NINJ2: variants seen among roughly 807,000 people sequenced by gnomAD.
NINJ2 encodes ninjurin-2.
A neutral mutation model predicts 11.7 loss-of-function variants in NINJ2; 12 were observed. That is an observed-to-expected ratio of 1.02 (90% CI 0.66 to 1.66). The LOEUF is 1.66. Among genes scored for constraint, NINJ2 ranks in the 40% most tolerant of loss-of-function variants. The pLI, the probability that NINJ2 is intolerant of heterozygous loss-of-function variation, is 0.00. For synonymous variants in NINJ2, 93 were observed against 76.8 expected (o/e 1.21, Z -1.10); for missense variants, 187 against 181.8 (o/e 1.03, Z -0.16).
intron 1 of NINJ2, among the ~76,000 whole-genome samples, chr12:592,529 C>T (rs1215386203): frequency 6.6e-6 from 1 of 152,104 alleles, no homozygotes; most frequent in Non-Finnish European, 1.5e-5. Context: ...GGTGAAACCC[C>T]GTCTTTACTG....
rs184186766 is a variant in NINJ2, at chr12:633,945, C to T, written c.33+29383G>A. Among the ~76,000 whole-genome samples the T allele has an allele frequency of 2.1e-4, 32 of 152,250 alleles. No homozygotes were observed. The highest frequency in any genetic ancestry group is 6.7e-4 in the African/African-American group (28 of 41,546). ...CAGTTGTGCTTTCCCCCACACACAC[C>T]GTCTGATCTGGTCAGAAAGGCCTTT... On this transcript the variant is annotated intron_variant, in intron 1 of 3. Transcript: ENST00000305108. This position sits in a 1 kb window ranked among gnomAD's most constrained non-coding sequence, Gnocchi z 4.3.
intron 1 of NINJ2, among the ~76,000 whole-genome samples, chr12:578,614 G>C (rs143612433): frequency 6.6e-6 from 1 of 152,066 alleles, no homozygotes; most frequent in Non-Finnish European, 1.5e-5. Flanking sequence ...CACTACACCC[G>C]GCCGAGAGCA....
chr12:647,769 T>C (rs1035253346), intron 1 of NINJ2, among the ~76,000 whole-genome samples: 2 of 152,164 alleles, frequency 1.3e-5, no homozygotes, highest in African/African-American at 4.8e-5. Flanking sequence ...GAAACCCTCA[T>C]CTCCAGGGTT....
At chr12:569,120 T>G (rs529180437) in intron 1 of NINJ2, among the ~76,000 whole-genome samples, 2 of 152,000 alleles carry the variant, frequency 1.3e-5, no homozygotes, top group African/African-American at 4.8e-5. Context: ...TTGGAGGAGG[T>G]AGGGATGGAG....
At chr12:587,651 C>T (rs573618391) in intron 1 of NINJ2, among the ~76,000 whole-genome samples, 28 of 152,184 alleles carry the variant, frequency 1.8e-4, no homozygotes, top group African/African-American at 3.9e-4. Flanking sequence ...CCCTGCCCAG[C>T]GCTGAGCCAT....
chr12:642,155 G>A (rs189844316), intron 1 of NINJ2, among the ~76,000 whole-genome samples: 2 of 152,294 alleles, frequency 1.3e-5, no homozygotes, highest in East Asian at 3.9e-4. Flanking sequence ...GTGAGTCGCG[G>A]TTAATAATAC....
chr12:579,823 C>A (rs1439260540), intron 1 of NINJ2, among the ~76,000 whole-genome samples: 1 of 152,176 alleles, frequency 6.6e-6, no homozygotes, highest in Admixed American at 6.5e-5. Flanking sequence ...GTCACAGATC[C>A]TATGGTGTTT....
At chr12:654,475 C>A (rs2120535563) in intron 1 of NINJ2, among the ~76,000 whole-genome samples, 1 of 146,910 alleles carries the variant, frequency 6.8e-6, no homozygotes, top group South Asian at 2.2e-4. Flanking sequence ...GAGCCGAGAT[C>A]ATGCCATTGC....
intron 1 of NINJ2, among the ~76,000 whole-genome samples, chr12:613,776 G>T (rs1437951906): frequency 6.6e-6 from 1 of 151,934 alleles, no homozygotes; most frequent in African/African-American, 2.4e-5. Context: ...GTGGTGGCGG[G>T]CGCCTGTAGT....
intron 1 of NINJ2, among the ~76,000 whole-genome samples, chr12:639,499 G>C (rs1592112828): frequency 7.1e-6 from 1 of 139,908 alleles, no homozygotes; most frequent in South Asian, 2.3e-4. Flanking sequence ...TTTCTATTTT[G>C]TGTATGCCTC....
chr12:619,598 GC>G (rs1298696770), intron 1 of NINJ2, among the ~76,000 whole-genome samples: 2 of 152,174 alleles, frequency 1.3e-5, no homozygotes, highest in Non-Finnish European at 2.9e-5. Flanking sequence ...GTCCTCCTGG[GC>G]CCTTGCAGGA....
chr12:607,401 C>T (rs937459555), intron 1 of NINJ2, among the ~76,000 whole-genome samples: 1 of 152,052 alleles, frequency 6.6e-6, no homozygotes, highest in Non-Finnish European at 1.5e-5. Context: ...AGAAATACTT[C>T]GGAATTACAA....
In NINJ2 at chr12:566,194, C is replaced by G; in HGVS notation, c.34-16G>C. On this transcript the variant is annotated splice_polypyrimidine_tract_variant and intron_variant, in intron 1 of 3. Transcript: ENST00000305108. ...AGCTTCCAGGCTGTAGGGGAGAAAG[C>G]ACAGACTTACCAAGGGGAGCTCTGG... 1 of 1,602,166 alleles carries G rather than the reference C, an allele frequency of 6.2e-7. No individual in the cohort carries two copies. The highest frequency in any genetic ancestry group is 8.5e-7 in the Non-Finnish European group (1 of 1,171,208).
At chr12:650,223 T>A (rs918339823) in intron 1 of NINJ2, among the ~76,000 whole-genome samples, 1 of 152,052 alleles carries the variant, frequency 6.6e-6, no homozygotes. Flanking sequence ...TAGCTGGGAT[T>A]ACAGGCGCTC....
chr12:594,992 A>G (rs1362001474), intron 1 of NINJ2, among the ~76,000 whole-genome samples: 1 of 152,258 alleles, frequency 6.6e-6, no homozygotes, highest in African/African-American at 2.4e-5. Flanking sequence ...AGACAAGTAG[A>G]TCAATGGAAC....
At position 564,846 on chromosome 12, in the gene NINJ2, G is replaced by C. The variant is rs913815464; in HGVS notation, c.*19-165C>G. 3.0e-4 allele frequency among the ~76,000 whole-genome samples: 45 copies of C among 152,254 alleles called. 1 individual carries two copies. The highest frequency in any genetic ancestry group is 9.9e-4 in the African/African-American group (41 of 41,472). ...TGCATTTCCAGCAAGTTCCTGGGTG[G>C]TTTGTGGATGCTGCTGACCCATGGA... On this transcript the variant is annotated intron_variant, in intron 3 of 3. Transcript: ENST00000305108.
chr12:601,365 T>C (rs925000714), intron 1 of NINJ2, among the ~76,000 whole-genome samples: 2 of 146,958 alleles, frequency 1.4e-5, no homozygotes, highest in East Asian at 4.1e-4. Context: ...GCTAACACAG[T>C]GAAACCCCGT....
chr12:631,936 AGAG>A (rs753348092), intron 1 of NINJ2, among the ~76,000 whole-genome samples: 73 of 152,270 alleles, frequency 4.8e-4, no homozygotes, highest in Non-Finnish European at 9.0e-4. Flanking sequence ...CTTGACAATT[AGAG>A]GAGTTTTTTT....
chr12:629,186 A>G (rs1948241476), intron 1 of NINJ2, among the ~76,000 whole-genome samples: 1 of 152,148 alleles, frequency 6.6e-6, no homozygotes, highest in African/African-American at 2.4e-5. Flanking sequence ...ATACCCTCTT[A>G]TTGTGGTAAT....
Sources: allele counts gnomAD v4.1 joint callset (sites outside exome capture counted in the v4.1 genomes callset), GRCh38; gene constraint gnomAD v4.1.1; non-coding constraint Gnocchi (gnomAD v3.1); transcripts MANE v1.5; gene names NCBI Gene and HGNC (gene_info 2026-07-23, HGNC 2026-07-21).